GOLGB1: variants seen among roughly 807,000 people sequenced by gnomAD.
GOLGB1 encodes golgin subfamily B member 1.
In GOLGB1, 174 loss-of-function variants were observed where a neutral mutation model predicts 336.9. The observed-to-expected ratio is 0.52, with a 90% CI of 0.46 to 0.59. The LOEUF (loss-of-function observed/expected upper bound fraction) is 0.59, where lower values mean the gene tolerates loss of function less well. Among genes scored for constraint, GOLGB1 ranks in the 20% least tolerant of loss-of-function variants. The probability of loss-of-function intolerance (pLI) is 0.00; values close to 1 mark genes in which losing one functional copy is unlikely to be tolerated. For synonymous variants in GOLGB1, 1,208 were observed against 1,289.2 expected, an observed-to-expected ratio of 0.94 and a Z score of 1.35; for missense variants, 3,331 against 3,645.3, an observed-to-expected ratio of 0.91 and a Z score of 2.22.
intron 10 of GOLGB1, 113 bp downstream of exon 10, chr3:121,714,748 G>GA (rs1024207970): frequency 3.5e-5 from 26 of 733,132 alleles, no homozygotes; most frequent in Admixed American, 2.1e-4. Flanking sequence ...TTTTCAGGCA[G>GA]AAAAAACAGA....
chr3:121,707,469 C>CAAA (rs879818248), intron 10 of GOLGB1, among the ~76,000 whole-genome samples: 1 of 128,440 alleles, frequency 7.8e-6, no homozygotes, highest in African/African-American at 2.9e-5. Context: ...CTACTAAAAG[C>CAAA]AAAAAAAAAA....
rs767205683 is a variant in GOLGB1 at position 121,714,856 on chromosome 3, A to G, written c.1404+5T>C. On this transcript the variant is annotated splice_donor_5th_base_variant and intron_variant, in intron 10 of 21. Transcript: ENST00000614479. ...AATATTCATAAGAAGTTCACATTTA[A>G]TTACCTGTGTGCCCTCATTATAAAC... 1 of 1,519,840 alleles carries G rather than the reference A, an allele frequency of 6.6e-7. No homozygotes were observed. Among genetic ancestry groups the G allele is most frequent in the South Asian group, 1.1e-5 (1 of 89,110 alleles). The allele number at this position is 1,519,840 out of a possible 1,614,324, so 94.1% of individuals were successfully genotyped here.
chr3:121,696,831 T>C lies in GOLGB1; in HGVS notation c.3692A>G (p.Asn1231Ser). The change falls in exon 13 of 22, where the codon AAT becomes AGT. Residue 1231 changes from asparagine to serine, a missense_variant. Coordinates refer to ENST00000614479, the MANE Select transcript of GOLGB1 (RefSeq NM_001366282.2). ...CCTTAGCTGGTCTCCAATATTCTCA[T>C]TTTCCTTGCTTTGCTCATCAAACTG... ...QEQFDEQSKE[N>S]ENIGDQLRQL... 1 of 1,614,152 alleles carries C rather than the reference T, an allele frequency of 6.2e-7. No individual in the cohort carries two copies. The highest frequency in any genetic ancestry group is 8.5e-7 in the Non-Finnish European group (1 of 1,179,972).
rs545923695 is a variant in GOLGB1 at position 121,692,960 on chromosome 3, G to A, written c.6783-379C>T. On this transcript the variant is annotated intron_variant, in intron 13 of 21. Coordinates refer to ENST00000614479, the MANE Select transcript of GOLGB1 (RefSeq NM_001366282.2). ...GATATGAAAGACAGTGAGAAAATCT[G>A]TTTTAGAACAGAAGGGTCCTATTGG... 6.6e-5 allele frequency among the ~76,000 whole-genome samples: 10 copies of A among 152,282 alleles called. No individual in the cohort carries two copies. In the South Asian group the frequency reaches 1.9e-3, roughly 28 times the overall value.
At chr3:121,704,709 C>G (rs1337151162) in intron 10 of GOLGB1, among the ~76,000 whole-genome samples, 1 of 139,136 alleles carries the variant, frequency 7.2e-6, no homozygotes, top group African/African-American at 2.7e-5. Context: ...CCAGGAGGCA[C>G]AGGTTGCGGT....
At position 121,694,564 on chromosome 3, in the gene GOLGB1, C is replaced by T. The variant is rs766835214; in HGVS notation, c.5959G>A (p.Val1987Met). 47 of 1,612,496 alleles carry T rather than the reference C, an allele frequency of 2.9e-5. No homozygotes were observed. The highest frequency in any genetic ancestry group is 3.8e-5 in the Non-Finnish European group (45 of 1,179,912). The change falls in exon 13 of 22, where the codon GTG becomes ATG. Residue 1987 changes from valine (V) to methionine (M), a missense_variant. Val to Met is a conservative substitution (Grantham distance 21, BLOSUM62 1). Coordinates refer to ENST00000614479, the MANE Select transcript of GOLGB1 (RefSeq NM_001366282.2). ...TATTCCTTTCGTATTTCTGATTCCA[C>T]CTTAGTTTTTTCCTTGACTAACTGC... ...KQQLVKEKTK[V>M]ESEIRKEYLE...
intron 10 of GOLGB1, among the ~76,000 whole-genome samples, chr3:121,712,325 T>G (rs1021221035): frequency 3.3e-5 from 5 of 152,016 alleles, no homozygotes; most frequent in Non-Finnish European, 7.4e-5. Context: ...ATTCAGAGAC[T>G]TCAAATGAAA....
At chr3:121,744,626 A>T (rs1947122856) in intron 1 of GOLGB1, among the ~76,000 whole-genome samples, 2 of 151,644 alleles carry the variant, frequency 1.3e-5, no homozygotes, top group South Asian at 4.2e-4. Flanking sequence ...CTCAAAAAAA[A>T]AAAAAAAAAA....
At chr3:121,735,373 T>A (rs749265975) in intron 1 of GOLGB1, among the ~76,000 whole-genome samples, 1 of 152,176 alleles carries the variant, frequency 6.6e-6, no homozygotes, top group Non-Finnish European at 1.5e-5. Context: ...TATAAATATA[T>A]GATATAACCT....
chr3:121,709,022 T>G (rs1473679545), intron 10 of GOLGB1, among the ~76,000 whole-genome samples: 1 of 152,172 alleles, frequency 6.6e-6, no homozygotes, highest in Non-Finnish European at 1.5e-5. Context: ...AATATACCAT[T>G]CAAGCAATAA....
chr3:121,748,116 G>T lies in GOLGB1; in HGVS notation c.-3+1516C>A, dbSNP rs1010014393. 3.3e-5 allele frequency among the ~76,000 whole-genome samples: 5 copies of T among 152,076 alleles called. 1 individual carries two copies. The highest frequency in any genetic ancestry group is 1.2e-4 in the African/African-American group (5 of 41,422). ...AGAAGGTTGAAAAAAATCTTCTAAAGATCATGTTTAAGAAAGGCTGCATCC... is the reference window on the plus strand; with the variant it reads ...AGAAGGTTGAAAAAAATCTTCTAAATATCATGTTTAAGAAAGGCTGCATCC... On this transcript the variant is annotated intron_variant, in intron 1 of 21. Transcript: ENST00000614479.
At chr3:121,703,154 C>G (rs1056881807) in intron 10 of GOLGB1, among the ~76,000 whole-genome samples, 2 of 152,080 alleles carry the variant, frequency 1.3e-5, no homozygotes, top group South Asian at 4.1e-4. Context: ...TATGTCACAT[C>G]TTTAGTTTTA....
chr3:121,677,195 A>C, intron 16 of GOLGB1, 90 bp downstream of exon 16: 1 of 1,217,514 alleles, frequency 8.2e-7, no homozygotes, highest in Non-Finnish European at 1.2e-6. Flanking sequence ...CTTTCTGGGT[A>C]GCGTCTTAAA....
chr3:121,674,936 C>T (rs989095574), intron 17 of GOLGB1, among the ~76,000 whole-genome samples: 1 of 150,132 alleles, frequency 6.7e-6, no homozygotes, highest in East Asian at 2.0e-4. Context: ...CCCGGGTTCA[C>T]GCTATTCTCC....
At chr3:121,725,611 AG>A (rs1276496031) in intron 5 of GOLGB1, among the ~76,000 whole-genome samples, 1 of 152,172 alleles carries the variant, frequency 6.6e-6, no homozygotes, top group African/African-American at 2.4e-5. Flanking sequence ...GTATGTGAGA[AG>A]AATATGAGTT....
rs1942907791 is a variant in GOLGB1, at chr3:121,696,008, T to C, written c.4515A>G (p.Lys1505=). The C allele has an allele frequency of 1.2e-6, 2 of 1,614,018 alleles. No homozygotes were observed. The highest frequency in any genetic ancestry group is 1.7e-6 in the Non-Finnish European group (2 of 1,180,026). ...ISRKEALKEN[K]SLQEELSLAR... Reference sequence around the variant, plus strand: ...CCAAAGACAATTCCTCTTGGAGACTTTTGTTTTCTTTTAGTGCTTCTTTTC... The same window carrying C: ...CCAAAGACAATTCCTCTTGGAGACTCTTGTTTTCTTTTAGTGCTTCTTTTC... The change falls in exon 13 of 22, where the codon AAA becomes AAG. Residue 1505 remains lysine (K), a synonymous_variant. Transcript: ENST00000614479.
At chr3:121,747,339 GTATA>G (rs200614522) in intron 1 of GOLGB1, among the ~76,000 whole-genome samples, 1 of 137,384 alleles carries the variant, frequency 7.3e-6, no homozygotes, top group Non-Finnish European at 1.5e-5. Context: ...ACGTATATAT[GTATA>G]TATATGTGTA....
rs529426889 is a variant in GOLGB1 at position 121,712,266 on chromosome 3, C to A, written c.1404+2595G>T. Among the ~76,000 whole-genome samples the A allele has an allele frequency of 3.9e-5, 6 of 152,134 alleles. 1 individual carries two copies. In the South Asian group the frequency reaches 1.2e-3, roughly 32 times the overall value. ...AACGAAATATCCGTACAGGAAAAAA[C>A]AAAACAACTTGACCTTCACCTTACA... is the stretch of plus-strand genomic sequence containing the variant. On this transcript the variant is annotated intron_variant, in intron 10 of 21. Transcript: ENST00000614479.
At chr3:121,690,148 G>C (rs749709472) in intron 14 of GOLGB1, among the ~76,000 whole-genome samples, 1 of 152,158 alleles carries the variant, frequency 6.6e-6, no homozygotes, top group South Asian at 2.1e-4. Flanking sequence ...TTATTTAAAG[G>C]AACTCTTTTT....
Sources: gnomAD v4.1 joint callset for allele counts (sites outside exome capture counted in the v4.1 genomes callset) on GRCh38, gnomAD v4.1.1 for gene constraint, MANE v1.5 for transcripts, NCBI Gene and HGNC (gene_info 2026-07-23, HGNC 2026-07-21) for gene names.